Variants in CGGBP1 observed in about 807,000 individuals in gnomAD.
CGGBP1 encodes the protein CGG triplet repeat binding protein 1, also known as CGG triplet repeat-binding protein 1.
Under a neutral mutation model 11.4 loss-of-function variants are expected in CGGBP1, and 4 were observed. The ratio of observed to expected loss-of-function variants is 0.35; its 90% CI spans 0.17 to 0.80. The LOEUF is 0.80. CGGBP1 is among the 30% of genes least tolerant of loss of function. The pLI is 0.52. For synonymous variants in CGGBP1, 76 were observed against 74.1 expected (o/e 1.03, Z -0.13); for missense variants, 135 against 202.1 (o/e 0.67, Z 2.01).
At chr3:88,066,505 C>T (rs1248648304) in intron 2 of CGGBP1, among the ~76,000 whole-genome samples, 11 of 151,694 alleles carry the variant, frequency 7.3e-5, no homozygotes, top group Non-Finnish European at 1.5e-4. Context: ...GCCCAGGAGG[C>T]GGAGTTTGCA....
At chr3:88,080,811 C>CA (rs1440353117) in intron 2 of CGGBP1, among the ~76,000 whole-genome samples, 1 of 152,182 alleles carries the variant, frequency 6.6e-6, no homozygotes, top group Non-Finnish European at 1.5e-5. Flanking sequence ...AAGGTTGGAA[C>CA]AGACAGATTT....
At chr3:88,116,992 A>C (rs963358570) in intron 2 of CGGBP1, among the ~76,000 whole-genome samples, 12 of 152,268 alleles carry the variant, frequency 7.9e-5, no homozygotes, top group African/African-American at 2.6e-4. Flanking sequence ...AGTTTAAAAA[A>C]ATTTTTTCTT....
At chr3:88,075,647 G>A (rs1707757892) in intron 2 of CGGBP1, among the ~76,000 whole-genome samples, 1 of 151,968 alleles carries the variant, frequency 6.6e-6, no homozygotes, top group Non-Finnish European at 1.5e-5. Flanking sequence ...ATTCCTTTTT[G>A]TCACATTTCT....
At chr3:88,140,175 A>G in intron 2 of CGGBP1, 2 of 1,613,844 alleles carry the variant, frequency 1.2e-6, no homozygotes, top group Non-Finnish European at 1.7e-6. Context: ...TGCCCAGCAC[A>G]CAAAAAGTCA....
rs189503435 is a variant in CGGBP1 at position 88,093,902 on chromosome 3, A to G, written c.-228-35679T>C. 6.6e-5 allele frequency among the ~76,000 whole-genome samples: 10 copies of G among 152,280 alleles called. No individual in the cohort carries two copies. The South Asian group carries it at 1.0e-3, about 16-fold the overall frequency. ...AAAGGTGTTTGTATTGTAGGTCCCA[A>G]TGAGTATTGCCCATCTCCACAGCAT... On this transcript the variant is annotated intron_variant, in intron 2 of 3. Transcript: ENST00000462901.
intron 2 of CGGBP1, chr3:88,128,737 A>G: frequency 4.7e-6 from 5 of 1,072,478 alleles, no homozygotes; most frequent in Non-Finnish European, 5.3e-6. Context: ...TTTTAGTGGT[A>G]AAGTTTCAAA....
upstream of CGGBP1, chr3:88,059,128 C>G: frequency 9.3e-7 from 1 of 1,073,366 alleles, no homozygotes; most frequent in Non-Finnish European, 1.3e-6. Context: ...ACATGATTGG[C>G]AGCTTGCGTC....
At chr3:88,096,425 G>A (rs1407418624) in intron 2 of CGGBP1, among the ~76,000 whole-genome samples, 2 of 152,064 alleles carry the variant, frequency 1.3e-5, no homozygotes, top group African/African-American at 2.4e-5. Flanking sequence ...GAAGCAGAGG[G>A]GTAAGGGGAG....
At chr3:88,130,521 G>T (rs1466386486) in intron 2 of CGGBP1, among the ~76,000 whole-genome samples, 5 of 151,954 alleles carry the variant, frequency 3.3e-5, no homozygotes, top group Non-Finnish European at 5.9e-5. Context: ...GTGCGATCAT[G>T]GCTCACTGCA....
Position 88,075,909 on chromosome 3 carries a change from CT to C in CGGBP1, c.-228-17687del, listed in dbSNP as rs1707776634. On this transcript the variant is annotated intron_variant, in intron 2 of 3. Coordinates refer to the CGGBP1 transcript ENST00000462901. ...CTTGTATCTGACTTAAGAAAAAAATCTTACCAGCACAACATCAAACCCAAGA... is the reference window on the plus strand; with the variant it reads ...CTTGTATCTGACTTAAGAAAAAAATCTACCAGCACAACATCAAACCCAAGA... Among the ~76,000 whole-genome samples the C allele has an allele frequency of 2.0e-5, 3 of 152,280 alleles. No individual in the cohort carries two copies. In the South Asian group the frequency reaches 6.2e-4, roughly 32 times the overall value.
chr3:88,134,099 G>T (rs1378158857), intron 2 of CGGBP1, among the ~76,000 whole-genome samples: 5 of 148,768 alleles, frequency 3.4e-5, no homozygotes, highest in African/African-American at 1.2e-4. Context: ...AAAAGAGTGT[G>T]AGTTAAAAAA....
At chr3:88,066,221 T>G (rs1707190544) in intron 2 of CGGBP1, among the ~76,000 whole-genome samples, 1 of 152,232 alleles carries the variant, frequency 6.6e-6, no homozygotes, top group Non-Finnish European at 1.5e-5. Flanking sequence ...TACACAGTCT[T>G]TCATTAGATA....
At position 88,117,814 on chromosome 3, in the gene CGGBP1, G is replaced by C. The variant is rs1705501648; in HGVS notation, c.-229+23156C>G. Among the ~76,000 whole-genome samples, 3 of 152,126 alleles carry C rather than the reference G, an allele frequency of 2.0e-5. No homozygotes were observed. In the South Asian group the frequency reaches 6.2e-4, roughly 32 times the overall value. On this transcript the variant is annotated intron_variant, in intron 2 of 3. Coordinates refer to the CGGBP1 transcript ENST00000462901. ...ATCTATGCGGAAATAACTACAGGGT[G>C]GTGACATTTGTTAAGGGAGCAGTGA...
At chr3:88,078,326 A>C (rs1707918996) in intron 2 of CGGBP1, among the ~76,000 whole-genome samples, 1 of 152,154 alleles carries the variant, frequency 6.6e-6, no homozygotes, top group South Asian at 2.1e-4. Context: ...ACTTCTAACA[A>C]GGTGAATGAT....
At chr3:88,099,207 A>G (rs540495249) in intron 2 of CGGBP1, among the ~76,000 whole-genome samples, 1 of 152,218 alleles carries the variant, frequency 6.6e-6, no homozygotes, top group Non-Finnish European at 1.5e-5. Context: ...AGAGAGCCAA[A>G]TCATGAGTGA....
intron 2 of CGGBP1, chr3:88,140,737 T>C: frequency 6.2e-7 from 1 of 1,613,732 alleles, no homozygotes; most frequent in Non-Finnish European, 8.5e-7. Flanking sequence ...ACCTTGCCAG[T>C]ATCTCAGGCA....
intron 2 of CGGBP1, among the ~76,000 whole-genome samples, chr3:88,118,931 TTGG>T (rs1705582918): frequency 6.7e-6 from 1 of 149,666 alleles, no homozygotes; most frequent in Non-Finnish European, 1.5e-5. Context: ...TTTTACACTG[TTGG>T]TGGGACTGTA....
intron 2 of CGGBP1, among the ~76,000 whole-genome samples, chr3:88,101,144 A>G (rs1377177311): frequency 6.6e-6 from 1 of 152,150 alleles, no homozygotes; most frequent in Non-Finnish European, 1.5e-5. Flanking sequence ...TATAAAATCC[A>G]TATAATTCAC....
chr3:88,095,807 G>C lies in CGGBP1; in HGVS notation c.-228-37584C>G, dbSNP rs1704024534. On this transcript the variant is annotated intron_variant, in intron 2 of 3. Transcript: ENST00000462901. ...AAGAAATGAGCTAAAGGCAATCCAA[G>C]TTTTTCTCAGATTCCCAAGTATTGT... 3.4e-5 allele frequency: 15 copies of C among 443,158 alleles called. 1 individual carries two copies. Among genetic ancestry groups the C allele is most frequent in the South Asian group, 2.6e-4 (15 of 57,972 alleles). The allele number at this position is 443,158 out of a possible 1,614,324, so 27.5% of individuals were successfully genotyped here.
Sources: allele counts gnomAD v4.1 joint callset (sites outside exome capture counted in the v4.1 genomes callset), GRCh38; gene constraint gnomAD v4.1.1; transcripts MANE v1.5; gene names NCBI Gene and HGNC (gene_info 2026-07-23, HGNC 2026-07-21).